Variants in NPEPPS observed in about 807,000 individuals in gnomAD.
The protein encoded by NPEPPS is puromycin-sensitive aminopeptidase.
In NPEPPS, 14 loss-of-function variants were observed where a neutral mutation model predicts 115.5. The ratio of observed to expected loss-of-function variants is 0.12; its 90% CI spans 0.08 to 0.19. NPEPPS has a LOEUF of 0.19. NPEPPS is among the 10% of genes least tolerant of loss of function. NPEPPS has a pLI of 1.00. For missense variants in NPEPPS, 523 were observed against 1,110.8 expected, an observed-to-expected ratio of 0.47 and a Z score of 7.52; for synonymous variants, 285 against 390.6, an observed-to-expected ratio of 0.73 and a Z score of 3.19.
chr17:47,558,404 A>G (rs957373350), intron 2 of NPEPPS, among the ~76,000 whole-genome samples: 2 of 146,900 alleles, frequency 1.4e-5, no homozygotes, highest in Non-Finnish European at 3.0e-5. Context: ...GTGGGATTAC[A>G]GGCCTGAGCC....
At chr17:47,529,985 G>T (rs558418730), upstream of NPEPPS, among the ~76,000 whole-genome samples, 2 of 142,830 alleles carry the variant, frequency 1.4e-5, no homozygotes, top group African/African-American at 5.0e-5. Flanking sequence ...CGCCCAGGCT[G>T]GAGTGCAGTG....
intron 4 of NPEPPS, chr17:47,581,198 ATTTTC>A (rs1357047648): frequency 1.3e-5 from 2 of 151,656 alleles, no homozygotes; most frequent in Non-Finnish European, 2.9e-5. Context: ...GTTTTGCTTT[ATTTTC>A]TTCCTGCTTG....
chr17:47,553,008 A>G (rs113866680), intron 2 of NPEPPS, among the ~76,000 whole-genome samples: 6 of 152,094 alleles, frequency 3.9e-5, no homozygotes. Context: ...TGTCATTAAT[A>G]TAACCGCACC....
chr17:47,560,700 T>C (rs1462237391), intron 2 of NPEPPS, among the ~76,000 whole-genome samples: 2 of 152,234 alleles, frequency 1.3e-5, no homozygotes, highest in Non-Finnish European at 2.9e-5. Flanking sequence ...AAACAAAGTA[T>C]GTTCCAAGTA....
At chr17:47,583,105 C>T (rs188920343) in intron 5 of NPEPPS, among the ~76,000 whole-genome samples, 8 of 150,704 alleles carry the variant, frequency 5.3e-5, no homozygotes, top group Middle Eastern at 3.2e-3. Flanking sequence ...GCCTCAGCTT[C>T]CCAAAGTGCT....
intron 2 of NPEPPS, among the ~76,000 whole-genome samples, chr17:47,563,565 T>G (rs996323540): frequency 6.6e-6 from 1 of 152,096 alleles, no homozygotes; most frequent in Non-Finnish European, 1.5e-5. Context: ...TGTTATGATC[T>G]AGAAAAGTGT....
chr17:47,584,787 A>G (rs1912084164), intron 5 of NPEPPS, among the ~76,000 whole-genome samples: 1 of 152,180 alleles, frequency 6.6e-6, no homozygotes, highest in Admixed American at 6.5e-5. Context: ...CCCTCGATCT[A>G]GAAGTTTGTA....
chr17:47,571,476 T>TAA (rs1911186465), intron 3 of NPEPPS, among the ~76,000 whole-genome samples: 1 of 152,244 alleles, frequency 6.6e-6, no homozygotes. Context: ...CCCAGCACTT[T>TAA]GGGAGGCCGA....
chr17:47,534,924 A>G (rs1908085485), intron 1 of NPEPPS, among the ~76,000 whole-genome samples: 1 of 151,856 alleles, frequency 6.6e-6, no homozygotes, highest in Admixed American at 6.6e-5. Flanking sequence ...AAGGTGAAGA[A>G]ATTAGTCCAT....
chr17:47,585,670 C>T lies in NPEPPS; in HGVS notation c.819C>T (p.Gly273=). The T allele has an allele frequency of 1.2e-6, 2 of 1,613,778 alleles. No individual in the cohort carries two copies. Among genetic ancestry groups the T allele is most frequent in the Non-Finnish European group, 1.7e-6 (2 of 1,179,834 alleles). The part of the protein sequence containing the change: ...GVCVRVYTPV[G]KAEQGKFALE... ...GTGTCCGTGTTTACACTCCTGTTGG[C>T]AAAGCAGAGCAAGGAAAATTTGCGT... The change falls in exon 6 of 23, where the codon GGC becomes GGT. Residue 273 remains glycine, a synonymous_variant. Transcript: ENST00000322157.
At chr17:47,611,363 G>T (rs1913860743) in intron 17 of NPEPPS, among the ~76,000 whole-genome samples, 1 of 151,652 alleles carries the variant, frequency 6.6e-6, no homozygotes, top group African/African-American at 2.4e-5. Flanking sequence ...AGAAGACTGA[G>T]GTAGAGAATT....
chr17:47,568,377 G>T (rs1910969575), intron 2 of NPEPPS, among the ~76,000 whole-genome samples: 1 of 152,108 alleles, frequency 6.6e-6, no homozygotes, highest in South Asian at 2.1e-4. Flanking sequence ...CGCCATGTTG[G>T]CCAGGCTGTT....
chr17:47,595,699 T>C (rs969163715), intron 12 of NPEPPS, among the ~76,000 whole-genome samples: 2 of 151,626 alleles, frequency 1.3e-5, no homozygotes, highest in South Asian at 2.1e-4. Flanking sequence ...CAAGAAATTA[T>C]GGGCCAGGTG....
intron 1 of NPEPPS, among the ~76,000 whole-genome samples, chr17:47,541,136 T>C (rs1306304160): frequency 2.0e-5 from 3 of 152,150 alleles, no homozygotes; most frequent in Non-Finnish European, 4.4e-5. Context: ...TAATGTGCTG[T>C]GTGATTTGGC....
chr17:47,536,790 C>T (rs539791888), intron 1 of NPEPPS, among the ~76,000 whole-genome samples: 1 of 148,822 alleles, frequency 6.7e-6, no homozygotes, highest in East Asian at 2.0e-4. Context: ...CGGCTCACCG[C>T]AACCTCTGCC....
chr17:47,572,649 T>G lies in NPEPPS; in HGVS notation c.418+3155T>G, dbSNP rs188784047. On this transcript the variant is annotated intron_variant, in intron 3 of 22. Transcript: ENST00000322157. ...AAAACCCAGTAAAAGTGTTAAAAGA[T>G]GAAGTTGAGGAAACTTCTAAGCAGT... Among the ~76,000 whole-genome samples the G allele has an allele frequency of 3.3e-3, 509 of 152,264 alleles. 4 individuals carry two copies. The highest frequency in any genetic ancestry group is 6.0e-3 in the Non-Finnish European group (408 of 68,022).
chr17:47,545,786 A>G (rs1909158399), intron 1 of NPEPPS, 123 bp from the exon 2 acceptor site: 5 of 1,429,516 alleles, frequency 3.5e-6, no homozygotes, highest in Non-Finnish European at 4.7e-6. Context: ...GGCTCAAGCG[A>G]TCCTCTTTGC....
intron 17 of NPEPPS, among the ~76,000 whole-genome samples, chr17:47,610,789 G>C (rs908999888): frequency 8.1e-5 from 12 of 148,532 alleles, no homozygotes; most frequent in African/African-American, 2.5e-4. Context: ...GTGTAGACAT[G>C]CTTTCATTTA....
intron 3 of NPEPPS, among the ~76,000 whole-genome samples, chr17:47,573,216 TG>T (rs1911306636): frequency 6.6e-6 from 1 of 152,124 alleles, no homozygotes; most frequent in Non-Finnish European, 1.5e-5. Flanking sequence ...TTAGAACTTT[TG>T]CGATAAAGTA....
Sources: allele counts gnomAD v4.1 joint callset (sites outside exome capture counted in the v4.1 genomes callset), GRCh38; gene constraint gnomAD v4.1.1; transcripts MANE v1.5; gene names NCBI Gene and HGNC (gene_info 2026-07-23, HGNC 2026-07-21).